Variants in TRIM39 observed in about 807,000 individuals in gnomAD.
TRIM39 encodes tripartite motif containing 39.
TRIM39 carries 5 observed loss-of-function variants against 53.6 expected under a neutral mutation model. The observed-to-expected ratio is 0.09, with a 90% CI of 0.05 to 0.20. The LOEUF (loss-of-function observed/expected upper bound fraction) is 0.20, where lower values mean the gene tolerates loss of function less well. Ranked by LOEUF, TRIM39 falls within the 10% of genes least tolerant of loss-of-function variation. The pLI, the probability that TRIM39 is intolerant of heterozygous loss-of-function variation, is 1.00. For synonymous variants in TRIM39, 196 were observed against 237.6 expected (o/e 0.82, Z 1.61); for missense variants, 310 against 621.0 (o/e 0.50, Z 5.32).
intron 4 of TRIM39, among the ~76,000 whole-genome samples, chr6:30,331,708 T>C (rs575208594): frequency 8.5e-5 from 13 of 152,346 alleles, no homozygotes; most frequent in African/African-American, 2.9e-4. Flanking sequence ...TAGGATCTTA[T>C]TCATCTCTCA....
Position 30,339,822 on chromosome 6 carries a change from G to A in TRIM39, c.781-86G>A. The A allele has an allele frequency of 6.3e-7, 1 of 1,576,136 alleles. No homozygotes were observed. Among genetic ancestry groups the A allele is most frequent in the Non-Finnish European group, 8.7e-7 (1 of 1,149,424 alleles). On this transcript the variant is annotated intron_variant, in intron 5 of 7. Coordinates refer to ENST00000396551, the Ensembl canonical transcript of TRIM39. This position sits in a 1 kb window ranked among gnomAD's most constrained non-coding sequence, Gnocchi z 4.2. ...ATCCTATCCCTATTTTATAGCTGTG[G>A]AACTTTGGGGAGGAGGGGGAACCTT... is the stretch of plus-strand genomic sequence containing the variant.
In TRIM39 at chr6:30,342,693, C is replaced by A; in HGVS notation, c.*434C>A. ...GCTTCTTGAGGTAGATCACAGGGGT[C>A]TGTGTACCTCTGAATTCATGAGAGA... On this transcript the variant is annotated 3_prime_UTR_variant, in exon 8 of 8. Transcript: ENST00000396551. This position sits in a 1 kb window ranked among gnomAD's most constrained non-coding sequence, Gnocchi z 4.7. 1 of 215,036 alleles carries A rather than the reference C, an allele frequency of 4.7e-6. No homozygotes were observed. Among genetic ancestry groups the A allele is most frequent in the East Asian group, 1.2e-4 (1 of 8,628 alleles). 13.3% of individuals were successfully genotyped at this position (215,036 alleles called of 1,614,324 possible).
At chr6:30,340,143 G>C in intron 6 of TRIM39, 3 of 1,074,606 alleles carry the variant, frequency 2.8e-6, no homozygotes, top group Non-Finnish European at 2.8e-6. Context: ...AGGACTTCTT[G>C]AGAAGGAGAA....
chr6:30,337,890 C>G (rs1787057143), intron 5 of TRIM39, among the ~76,000 whole-genome samples: 1 of 152,270 alleles, frequency 6.6e-6, no homozygotes, highest in South Asian at 2.1e-4. Flanking sequence ...CATCAGTAAT[C>G]TTGGCAAGAT....
chr6:30,339,950 CT>C lies in TRIM39; in HGVS notation c.803+21del, dbSNP rs749553323. The C allele has an allele frequency of 5.6e-6, 9 of 1,613,964 alleles. No homozygotes were observed. Among genetic ancestry groups the C allele is most frequent in the Non-Finnish European group, 7.6e-6 (9 of 1,180,018 alleles). On this transcript the variant is annotated intron_variant, in intron 6 of 7. Coordinates refer to ENST00000396551, the Ensembl canonical transcript of TRIM39. This position sits in a 1 kb window ranked among gnomAD's most constrained non-coding sequence, Gnocchi z 4.2. ...GGAAAAGTAAGTGATTGTTGTATCT[CT>C]CTGAGTGAGTTAGGTCTTGGCTTAG...
exon 4 of TRIM39, chr6:30,330,835 C>T (rs773711950): frequency 3.7e-6 from 6 of 1,614,132 alleles, no homozygotes; most frequent in East Asian, 2.2e-5. Flanking sequence ...GGAGATCACT[C>T]GCTGCAAGTC....
At chr6:30,340,310 T>G in intron 6 of TRIM39, 195 bp from the exon 7 acceptor site, 1 of 1,613,088 alleles carries the variant, frequency 6.2e-7, no homozygotes. Context: ...CTCTCAACGA[T>G]CTGTCCACGG....
chr6:30,331,499 C>G (rs1385426815), intron 4 of TRIM39, among the ~76,000 whole-genome samples: 1 of 152,102 alleles, frequency 6.6e-6, no homozygotes, highest in Non-Finnish European at 1.5e-5. Flanking sequence ...GCAAAGGAGG[C>G]TTTCTGCTGA....
exon 1 of TRIM39, chr6:30,326,811 C>T (rs1017415772): frequency 1.3e-5 from 2 of 153,316 alleles, no homozygotes; most frequent in African/African-American, 4.8e-5. Flanking sequence ...TCCGCAGGCA[C>T]CGCTAGACCC....
exon 3 of TRIM39, chr6:30,329,529 A>C: frequency 1.9e-6 from 3 of 1,613,104 alleles, no homozygotes; most frequent in African/African-American, 2.7e-5. Flanking sequence ...GTCTGTCGAA[A>C]GACATCCCGC....
intron 5 of TRIM39, among the ~76,000 whole-genome samples, chr6:30,336,601 G>T (rs1786892864): frequency 6.6e-6 from 1 of 152,194 alleles, no homozygotes; most frequent in Non-Finnish European, 1.5e-5. Context: ...TTCCTTTTAT[G>T]AAAGATATCT....
exon 1 of TRIM39, chr6:30,326,633 T>C: frequency 6.6e-6 from 1 of 152,318 alleles, no homozygotes; most frequent in Non-Finnish European, 1.5e-5. Context: ...TCCAGCGCCC[T>C]GCGGGCAATG....
At chr6:30,330,712 A>G (rs545624709) in intron 3 of TRIM39, 69 bp from the exon 4 acceptor site, 1 of 1,520,268 alleles carries the variant, frequency 6.6e-7, no homozygotes, top group Non-Finnish European at 9.0e-7. Context: ...CAAATGGTTT[A>G]ATCTCTGAAT....
chr6:30,340,407 T>G (rs1466877615), intron 6 of TRIM39, 98 bp from the exon 7 acceptor site: 1 of 1,610,756 alleles, frequency 6.2e-7, no homozygotes. Context: ...ATGGAGAATT[T>G]TAATTTCTCC....
At chr6:30,329,638 C>T (rs1314919587) in exon 3 of TRIM39, 1 of 1,613,088 alleles carries the variant, frequency 6.2e-7, no homozygotes, top group East Asian at 2.2e-5. Context: ...AGAGCCTCTG[C>T]CCCCAACACC....
chr6:30,340,613 G>A (rs1787400340), exon 7 of TRIM39: 1 of 1,610,620 alleles, frequency 6.2e-7, no homozygotes, highest in Non-Finnish European at 8.5e-7. Context: ...TCCTTAAACA[G>A]CTAATTGGTG....
intron 4 of TRIM39, among the ~76,000 whole-genome samples, chr6:30,332,815 C>A (rs941045200): frequency 2.0e-5 from 3 of 152,184 alleles, no homozygotes; most frequent in Non-Finnish European, 4.4e-5. Context: ...TCCAAAACTA[C>A]CACCAACATT....
At position 30,329,284 on chromosome 6, in the gene TRIM39, TTCTCTGTC is replaced by T. The variant is rs1250767422; in HGVS notation, c.-7-26_-7-19del. On this transcript the variant is annotated intron_variant, in intron 2 of 7. Transcript: ENST00000396551. ...AAAACCTCCAATTAATATTTTTATT[TTCTCTGTC>T]CTCTTCCCCACTCCCAAGTTAAATT... is the stretch of plus-strand genomic sequence containing the variant. 9.7e-6 allele frequency: 15 copies of T among 1,553,268 alleles called. No individual in the cohort carries two copies. The Admixed American group carries it at 3.3e-4, about 34-fold the overall frequency.
chr6:30,333,327 C>G (rs1176637299), intron 4 of TRIM39, among the ~76,000 whole-genome samples: 1 of 151,022 alleles, frequency 6.6e-6, no homozygotes, highest in Non-Finnish European at 1.5e-5. Flanking sequence ...GGCATTCAAG[C>G]CCAGGCCTAT....
Sources: gnomAD v4.1 joint callset for allele counts (sites outside exome capture counted in the v4.1 genomes callset) on GRCh38, gnomAD v4.1.1 for gene constraint, Gnocchi (gnomAD v3.1) non-coding constraint, MANE v1.5 for transcripts, NCBI Gene and HGNC (gene_info 2026-07-23, HGNC 2026-07-21) for gene names.